PTGR2: variants seen among roughly 807,000 people sequenced by gnomAD.
The protein encoded by PTGR2 is 15-oxoprostaglandin 13-reductase.
In PTGR2, 32 loss-of-function variants were observed where a neutral mutation model predicts 43.4. That is an observed-to-expected ratio of 0.74 (90% CI 0.56 to 0.99). The LOEUF is 0.99. Among genes scored for constraint, PTGR2 ranks in the 50% least tolerant of loss-of-function variants. The pLI is 0.00. For synonymous variants in PTGR2, 106 were observed against 139.2 expected (o/e 0.76, Z 1.68); for missense variants, 373 against 420.0 (o/e 0.89, Z 0.98).
chr14:73,874,513 G>A, intron 4 of PTGR2: 1 of 490,492 alleles, frequency 2.0e-6, no homozygotes, highest in South Asian at 1.6e-5. Flanking sequence ...AGAAGAATAG[G>A]AGACTCAAAG....
intron 3 of PTGR2, among the ~76,000 whole-genome samples, chr14:73,868,691 C>A (rs2140253054): frequency 6.6e-6 from 1 of 152,150 alleles, no homozygotes; most frequent in South Asian, 2.1e-4. Flanking sequence ...TATATCAGAG[C>A]CCTCTGACAT....
chr14:73,884,771 T>C lies in PTGR2; in HGVS notation c.*594T>C, dbSNP rs1006139532. 6.6e-6 allele frequency: 1 copy of C among 152,122 alleles called. No individual in the cohort carries two copies. Among genetic ancestry groups the C allele is most frequent in the African/African-American group, 2.4e-5 (1 of 41,388 alleles). 9.4% of individuals were successfully genotyped at this position (152,122 alleles called of 1,614,324 possible). A position where few individuals can be genotyped will look rare whatever the true frequency, so the allele number is the denominator to read the frequency against. ...TTTTTGGGATAGGAGACCAGCGGTT[T>C]TGGGTTGGGATTAGTATGGGAAGAT... On this transcript the variant is annotated 3_prime_UTR_variant, in exon 10 of 10. Transcript: ENST00000555661.
chr14:73,878,233 C>A (rs117953510), intron 5 of PTGR2: 3 of 152,100 alleles, frequency 2.0e-5, no homozygotes, highest in Non-Finnish European at 4.4e-5. Flanking sequence ...ACATTGTGTC[C>A]GAGCTGTGAT....
chr14:73,871,099 C>T (rs559271135), intron 3 of PTGR2, among the ~76,000 whole-genome samples: 18 of 152,186 alleles, frequency 1.2e-4, no homozygotes, highest in Non-Finnish European at 2.2e-4. Flanking sequence ...ATTCCTACCA[C>T]CTTACCTCCA....
intron 4 of PTGR2, among the ~76,000 whole-genome samples, chr14:73,876,579 G>A (rs1456742890): frequency 1.3e-5 from 2 of 150,182 alleles, no homozygotes; most frequent in Non-Finnish European, 1.5e-5. Flanking sequence ...GGGTTCAAGC[G>A]ATTCTCCTGC....
At chr14:73,867,247 C>T (rs1269772578) in intron 3 of PTGR2, among the ~76,000 whole-genome samples, 1 of 152,046 alleles carries the variant, frequency 6.6e-6, no homozygotes, top group Non-Finnish European at 1.5e-5. Flanking sequence ...TGTCAGCTTA[C>T]CTGCTCTCAT....
At chr14:73,857,787 G>A (rs1281848342) in intron 1 of PTGR2, among the ~76,000 whole-genome samples, 2 of 145,930 alleles carry the variant, frequency 1.4e-5, no homozygotes, top group African/African-American at 5.1e-5. Flanking sequence ...TCCTGCGTCA[G>A]CCTCCGGAGT....
intron 1 of PTGR2, among the ~76,000 whole-genome samples, chr14:73,856,765 A>G (rs2054357281): frequency 6.6e-6 from 1 of 152,196 alleles, no homozygotes; most frequent in Non-Finnish European, 1.5e-5. Context: ...TGTTCACACA[A>G]TGATTAAATC....
intron 3 of PTGR2, among the ~76,000 whole-genome samples, chr14:73,862,300 C>T (rs557206551): frequency 5.7e-4 from 87 of 151,860 alleles, no homozygotes; most frequent in East Asian, 4.5e-3. Flanking sequence ...CTCCGCCTCC[C>T]GGGTTCACGC....
At chr14:73,880,936 AC>A (rs2054972760) in intron 7 of PTGR2, among the ~76,000 whole-genome samples, 1 of 152,186 alleles carries the variant, frequency 6.6e-6, no homozygotes, top group Non-Finnish European at 1.5e-5. Flanking sequence ...AGCTGGGACT[AC>A]AGGCGCTCAC....
chr14:73,872,032 C>T (rs1253848296), intron 3 of PTGR2, among the ~76,000 whole-genome samples: 2 of 152,290 alleles, frequency 1.3e-5, no homozygotes, highest in East Asian at 1.9e-4. Flanking sequence ...CATGGGACCC[C>T]TTAATCAGGT....
intron 5 of PTGR2, chr14:73,877,959 A>G (rs2054900751): frequency 6.6e-6 from 1 of 152,198 alleles, no homozygotes; most frequent in Non-Finnish European, 1.5e-5. Flanking sequence ...GGAGCACAAG[A>G]CCAGCCTGGG....
chr14:73,877,848 A>T (rs1360885826), intron 5 of PTGR2: 1 of 152,244 alleles, frequency 6.6e-6, no homozygotes, highest in East Asian at 1.9e-4. Context: ...CTAGAAGTGT[A>T]AACATTTTGA....
chr14:73,859,382 T>G (rs2140237166), intron 2 of PTGR2, among the ~76,000 whole-genome samples: 1 of 152,252 alleles, frequency 6.6e-6, no homozygotes, highest in Non-Finnish European at 1.5e-5. Context: ...AACTCAATTT[T>G]AGTAAAATGA....
At chr14:73,871,365 T>TTTTTTTTTTTTTTTTTTTTTTTTTC (rs2054727347) in intron 3 of PTGR2, among the ~76,000 whole-genome samples, 1 of 132,732 alleles carries the variant, frequency 7.5e-6, no homozygotes. Flanking sequence ...TTTTTTTTTT[T>TTTTTTTTTTTTTTTTTTTTTTTTTC]TTAATTTTTG....
At chr14:73,865,429 C>T (rs34483924) in intron 3 of PTGR2, among the ~76,000 whole-genome samples, 61,550 of 151,890 alleles carry the variant, frequency 0.41, 13,030 homozygotes, top group Non-Finnish European at 0.46. Context: ...TGGTGCCCAC[C>T]CACATTGAGG....
intron 4 of PTGR2, 25 bp downstream of exon 4, chr14:73,874,239 A>AT (rs148436598): frequency 2.0e-5 from 30 of 1,511,528 alleles, no homozygotes; most frequent in Admixed American, 6.1e-5. Flanking sequence ...AACATATCTG[A>AT]TTTTTTTTCC....
chr14:73,870,092 G>A (rs866971621), intron 3 of PTGR2, among the ~76,000 whole-genome samples: 12 of 152,082 alleles, frequency 7.9e-5, no homozygotes, highest in Middle Eastern at 6.9e-3. Flanking sequence ...AGCTACTTGG[G>A]AGACTTGAGG....
intron 3 of PTGR2, among the ~76,000 whole-genome samples, chr14:73,872,683 A>G (rs1204051503): frequency 6.6e-6 from 1 of 152,214 alleles, no homozygotes; most frequent in Non-Finnish European, 1.5e-5. Flanking sequence ...ATTTATTGAC[A>G]AATAAAAATT....
Sources: gnomAD v4.1 joint callset for allele counts (sites outside exome capture counted in the v4.1 genomes callset) on GRCh38, gnomAD v4.1.1 for gene constraint, MANE v1.5 for transcripts, NCBI Gene and HGNC (gene_info 2026-07-23, HGNC 2026-07-21) for gene names.